The following ABCD3 variants were observed in gnomAD, a reference collection of about 807,000 sequenced individuals.
ABCD3 encodes the protein ATP binding cassette subfamily D member 3.
Under a neutral mutation model 105.5 loss-of-function variants are expected in ABCD3, and 41 were observed. That is an observed-to-expected ratio of 0.39 (90% CI 0.30 to 0.50). The LOEUF (loss-of-function observed/expected upper bound fraction) is 0.50, where lower values mean the gene tolerates loss of function less well. Among genes scored for constraint, ABCD3 ranks in the 20% least tolerant of loss-of-function variants. The probability of loss-of-function intolerance (pLI) is 0.84; values close to 1 mark genes in which losing one functional copy is unlikely to be tolerated. For missense variants in ABCD3, 622 were observed against 806.3 expected, an observed-to-expected ratio of 0.77 and a Z score of 2.77; for synonymous variants, 258 against 269.0, an observed-to-expected ratio of 0.96 and a Z score of 0.40.
the ABCD3 span, among the ~76,000 whole-genome samples, chr1:94,400,438 T>C: frequency 1.3e-5 from 2 of 151,710 alleles, no homozygotes; most frequent in African/African-American, 4.8e-5. Flanking sequence ...GGAAAGTCAT[T>C]GATAAAATAT....
chr1:94,448,582 A>G (rs1292439446), intron 1 of ABCD3, among the ~76,000 whole-genome samples: 6 of 152,234 alleles, frequency 3.9e-5, no homozygotes, highest in Admixed American at 6.5e-5. Flanking sequence ...TGCTTTTAAT[A>G]TGCCTATTAA....
chr1:94,418,640 CG>C, intron 1 of ABCD3, 52 bp downstream of exon 1: 1 of 1,524,882 alleles, frequency 6.6e-7, no homozygotes, highest in Non-Finnish European at 8.8e-7. Flanking sequence ...GGGCGCTCCC[CG>C]CGCGCTCTCT....
At chr1:94,389,600 C>T in the ABCD3 span, among the ~76,000 whole-genome samples, 2 of 152,202 alleles carry the variant, frequency 1.3e-5, no homozygotes, top group African/African-American at 4.8e-5. Context: ...CACTGGCTTG[C>T]TGTCAGTAAC....
chr1:94,458,456 A>G, intron 1 of ABCD3, 151 bp from the exon 2 acceptor site: 1 of 699,512 alleles, frequency 1.4e-6, no homozygotes, highest in East Asian at 2.7e-5. Context: ...AGTCAGGTGG[A>G]CTATTATTAT....
intron 7 of ABCD3, 135 bp downstream of exon 7, chr1:94,475,872 G>T: frequency 1.4e-6 from 1 of 713,886 alleles, no homozygotes; most frequent in Admixed American, 3.2e-5. Flanking sequence ...GAAAATTAGA[G>T]TTGTTGTAAT....
the ABCD3 span, among the ~76,000 whole-genome samples, chr1:94,389,087 T>C: frequency 6.6e-6 from 1 of 152,202 alleles, no homozygotes; most frequent in Non-Finnish European, 1.5e-5. Context: ...TATCGCACAC[T>C]TCATCATTAA....
the ABCD3 span, among the ~76,000 whole-genome samples, chr1:94,407,071 T>A: frequency 1.3e-5 from 2 of 152,086 alleles, no homozygotes; most frequent in Non-Finnish European, 2.9e-5. Context: ...CCTCATAGGA[T>A]TTTTTTCTTA....
the ABCD3 span, among the ~76,000 whole-genome samples, chr1:94,388,913 G>C: frequency 6.6e-6 from 1 of 152,112 alleles, no homozygotes; most frequent in Middle Eastern, 3.2e-3. Flanking sequence ...AAGACCTTCT[G>C]AGGATCTAAC....
intron 1 of ABCD3, among the ~76,000 whole-genome samples, chr1:94,430,524 G>A (rs1463857267): frequency 6.6e-6 from 1 of 152,126 alleles, no homozygotes; most frequent in Non-Finnish European, 1.5e-5. Flanking sequence ...TAAGTCTCAT[G>A]CGATCTGATA....
intron 10 of ABCD3, among the ~76,000 whole-genome samples, chr1:94,484,637 G>C (rs1649197122): frequency 6.6e-6 from 1 of 152,260 alleles, no homozygotes; most frequent in East Asian, 1.9e-4. Flanking sequence ...GGCCTGTTGT[G>C]GGGTGGGGGC....
At chr1:94,404,052 C>T in the ABCD3 span, among the ~76,000 whole-genome samples, 3 of 152,140 alleles carry the variant, frequency 2.0e-5, no homozygotes, top group African/African-American at 4.8e-5. Flanking sequence ...TACACACATA[C>T]ACATACCACA....
intron 21 of ABCD3, among the ~76,000 whole-genome samples, chr1:94,507,226 T>G (rs1411384746): frequency 6.6e-6 from 1 of 150,940 alleles, no homozygotes. Context: ...CACCTATGAG[T>G]GAGAATATGC....
chr1:94,507,026 CATGTGCAAA>C (rs1650394923), intron 21 of ABCD3, among the ~76,000 whole-genome samples: 2 of 151,710 alleles, frequency 1.3e-5, no homozygotes, highest in African/African-American at 4.8e-5. Context: ...TTTTAGGGTA[CATGTGCAAA>C]ATGTGCAGGT....
intron 4 of ABCD3, among the ~76,000 whole-genome samples, chr1:94,471,234 G>A (rs1648442998): frequency 2.0e-5 from 3 of 151,746 alleles, no homozygotes; most frequent in Admixed American, 2.0e-4. Context: ...CATTATTTTG[G>A]TATACTTTAC....
intron 1 of ABCD3, among the ~76,000 whole-genome samples, chr1:94,438,193 A>G (rs139836758): frequency 0.014 from 2,144 of 151,640 alleles, 20 homozygotes; most frequent in Non-Finnish European, 0.024. Flanking sequence ...AGGCTGAGAC[A>G]GGGGAATCGC....
At chr1:94,430,940 A>G (rs1442057877) in intron 1 of ABCD3, among the ~76,000 whole-genome samples, 1 of 152,216 alleles carries the variant, frequency 6.6e-6, no homozygotes, top group Non-Finnish European at 1.5e-5. Context: ...AACGTTTATC[A>G]TTAGTGTCAT....
At chr1:94,411,299 CT>C in the ABCD3 span, among the ~76,000 whole-genome samples, 2 of 152,182 alleles carry the variant, frequency 1.3e-5, no homozygotes, top group African/African-American at 4.8e-5. Flanking sequence ...AGACAATCAA[CT>C]CTATAAAAGG....
At chr1:94,466,720 C>T (rs1648155213) in intron 3 of ABCD3, among the ~76,000 whole-genome samples, 3 of 152,154 alleles carry the variant, frequency 2.0e-5, no homozygotes, top group South Asian at 4.1e-4. Flanking sequence ...ATACAAGCTT[C>T]TCTGGAAAGA....
chr1:94,478,156 T>A (rs1648852619), intron 7 of ABCD3, 103 bp from the exon 8 acceptor site: 3 of 737,718 alleles, frequency 4.1e-6, no homozygotes, highest in Non-Finnish European at 7.1e-6. Context: ...TGTTGATAAT[T>A]ATATATTAAA....
Sources: allele counts gnomAD v4.1 joint callset (sites outside exome capture counted in the v4.1 genomes callset), GRCh38; gene constraint gnomAD v4.1.1; transcripts MANE v1.5; gene names NCBI Gene and HGNC (gene_info 2026-07-23, HGNC 2026-07-21).